GRID1: variants seen among roughly 807,000 people sequenced by gnomAD.
The protein encoded by GRID1 is glutamate ionotropic receptor delta type subunit 1, also known as glutamate receptor ionotropic, delta-1.
Under a neutral mutation model 98.0 loss-of-function variants are expected in GRID1, and 28 were observed. That is an observed-to-expected ratio of 0.29 (90% confidence interval 0.21 to 0.39). The LOEUF is 0.39. GRID1 is among the 10% of genes least tolerant of loss of function. The pLI is 1.00. For missense variants in GRID1, 1,111 were observed against 1,340.5 expected, an observed-to-expected ratio of 0.83 and a Z score of 2.67; for synonymous variants, 553 against 538.5, an observed-to-expected ratio of 1.03 and a Z score of -0.37.
intron 2 of GRID1, among the ~76,000 whole-genome samples, chr10:86,297,009 T>C (rs748599870): frequency 1.3e-5 from 2 of 152,188 alleles, no homozygotes; most frequent in Non-Finnish European, 2.9e-5. Context: ...TAAAGATGGC[T>C]TGAATAAATA....
chr10:86,177,437 A>G (rs1845591638), intron 3 of GRID1, among the ~76,000 whole-genome samples: 1 of 150,232 alleles, frequency 6.7e-6, no homozygotes, highest in Non-Finnish European at 1.5e-5. Context: ...GAGACTGTGT[A>G]TGGGGGGGTG....
At chr10:86,101,493 A>G (rs1295028332) in intron 4 of GRID1, among the ~76,000 whole-genome samples, 2 of 152,148 alleles carry the variant, frequency 1.3e-5, no homozygotes, top group Admixed American at 1.3e-4. Context: ...AGTTTTGCCA[A>G]TCAGGAACAT....
At chr10:86,280,701 C>A (rs371887131) in intron 2 of GRID1, among the ~76,000 whole-genome samples, 48 of 152,214 alleles carry the variant, frequency 3.2e-4, no homozygotes, top group African/African-American at 1.1e-3. Context: ...CCCCTACCTA[C>A]TTTTCCAATG....
chr10:85,868,955 G>A (rs1177305039), intron 6 of GRID1, 55 bp downstream of exon 6: 11 of 1,493,752 alleles, frequency 7.4e-6, no homozygotes, highest in Non-Finnish European at 1.0e-5. Context: ...CTTGGCCAAG[G>A]GTGTGGGTGA....
At chr10:86,087,389 A>G (rs1844076711) in intron 4 of GRID1, among the ~76,000 whole-genome samples, 1 of 144,808 alleles carries the variant, frequency 6.9e-6, no homozygotes, top group Non-Finnish European at 1.5e-5. Flanking sequence ...TGCATAATGG[A>G]GTCTGTGTGT....
intron 8 of GRID1, among the ~76,000 whole-genome samples, chr10:85,799,508 T>C (rs1842556365): frequency 1.3e-5 from 2 of 152,148 alleles, no homozygotes; most frequent in Non-Finnish European, 1.5e-5. Flanking sequence ...AAATGTGTTA[T>C]ACATACAACA....
intron 2 of GRID1, among the ~76,000 whole-genome samples, chr10:86,282,966 C>T (rs1847377148): frequency 6.6e-6 from 1 of 152,164 alleles, no homozygotes; most frequent in South Asian, 2.1e-4. Flanking sequence ...CATAAGGACC[C>T]TTCACAGTCA....
chr10:86,148,675 C>A lies in GRID1; in HGVS notation c.521-9651G>T, dbSNP rs142045237. ...GCATATGTTGATTACCTTGAGTTAG[C>A]CATTCCACAATGTATGCATACATCA... is the stretch of plus-strand genomic sequence containing the variant. On this transcript the variant is annotated intron_variant, in intron 3 of 15. Coordinates refer to ENST00000327946, the MANE Select transcript of GRID1 (RefSeq NM_017551.3). Among the ~76,000 whole-genome samples, 382 of 152,192 alleles carry A rather than the reference C, an allele frequency of 2.5e-3. 3 individuals carry two copies. Among genetic ancestry groups the A allele is most frequent in the African/African-American group, 8.7e-3 (362 of 41,496 alleles).
intron 4 of GRID1, among the ~76,000 whole-genome samples, chr10:86,088,355 A>G (rs1844094976): frequency 6.6e-6 from 1 of 152,214 alleles, no homozygotes; most frequent in South Asian, 2.1e-4. Context: ...GAACTAAATA[A>G]ATATCCCCCA....
chr10:85,987,021 T>C (rs1448075971), intron 4 of GRID1, among the ~76,000 whole-genome samples: 1 of 151,988 alleles, frequency 6.6e-6, no homozygotes, highest in East Asian at 1.9e-4. Flanking sequence ...AGGACTTTCC[T>C]GCCCCACCCT....
intron 8 of GRID1, among the ~76,000 whole-genome samples, chr10:85,742,525 A>G (rs1181966942): frequency 6.6e-6 from 1 of 152,148 alleles, no homozygotes; most frequent in African/African-American, 2.4e-5. Flanking sequence ...TTGTCACTTT[A>G]AAAAAATTGT....
intron 2 of GRID1, among the ~76,000 whole-genome samples, chr10:86,243,898 G>A (rs773962840): frequency 9.2e-5 from 14 of 152,132 alleles, no homozygotes; most frequent in Non-Finnish European, 1.9e-4. Context: ...CCCAGTCCTC[G>A]CCACCATCTC....
chr10:86,072,293 TA>T (rs1230438151), intron 4 of GRID1, among the ~76,000 whole-genome samples: 1 of 152,098 alleles, frequency 6.6e-6, no homozygotes, highest in Non-Finnish European at 1.5e-5. Context: ...AATGGTAAAC[TA>T]AGATTTATCA....
intron 12 of GRID1, among the ~76,000 whole-genome samples, chr10:85,682,866 C>A (rs1353824831): frequency 6.6e-6 from 1 of 152,214 alleles, no homozygotes; most frequent in Non-Finnish European, 1.5e-5. Context: ...TGAGAATCCT[C>A]TTTAGATGTG....
chr10:85,748,244 C>G (rs1247222911), intron 8 of GRID1, among the ~76,000 whole-genome samples: 5 of 152,158 alleles, frequency 3.3e-5, no homozygotes, highest in Non-Finnish European at 4.4e-5. Flanking sequence ...CACATAATTC[C>G]ACACTGATTG....
At position 85,619,856 on chromosome 10, in the gene GRID1, C is replaced by T; in HGVS notation, c.2360+11G>A. The T allele has an allele frequency of 1.2e-6, 2 of 1,612,094 alleles. No homozygotes were observed. Among genetic ancestry groups the T allele is most frequent in the Non-Finnish European group, 1.7e-6 (2 of 1,178,304 alleles). On this transcript the variant is annotated intron_variant, in intron 14 of 15. Coordinates refer to ENST00000327946, the MANE Select transcript of GRID1 (RefSeq NM_017551.3). Reference sequence around the variant, plus strand: ...TGAGGCAGCGGTAGTTACCTTGCTGCCCAAGCCTACCTCTGGGAGAAGAGG... The same window carrying T: ...TGAGGCAGCGGTAGTTACCTTGCTGTCCAAGCCTACCTCTGGGAGAAGAGG...
chr10:85,878,005 G>C (rs957146583), intron 5 of GRID1, among the ~76,000 whole-genome samples: 3 of 152,214 alleles, frequency 2.0e-5, no homozygotes, highest in African/African-American at 7.2e-5. Context: ...CAATCGACTG[G>C]AAGAAAGGGT....
intron 4 of GRID1, among the ~76,000 whole-genome samples, chr10:86,023,804 A>C (rs917323862): frequency 1.3e-5 from 2 of 152,010 alleles, no homozygotes; most frequent in Admixed American, 6.6e-5. Flanking sequence ...TCTAAGTTCA[A>C]TTGCATCTAT....
chr10:86,365,960 C>A lies in GRID1; in HGVS notation c.79+354G>T, dbSNP rs527897479. 7.2e-4 allele frequency among the ~76,000 whole-genome samples: 109 copies of A among 152,328 alleles called. No homozygotes were observed. The highest frequency in any genetic ancestry group is 3.2e-4 in the Non-Finnish European group (22 of 68,004). On this transcript the variant is annotated intron_variant, in intron 1 of 15. Transcript: ENST00000327946. This position sits in a 1 kb window ranked among gnomAD's most constrained non-coding sequence, Gnocchi z 4.8. ...AGCCCCCCGCTGTACCTCCCCCTGC[C>A]CCCCGCTGCTCTGAGCTGCGCAGAA...
Sources: allele counts gnomAD v4.1 joint callset (sites outside exome capture counted in the v4.1 genomes callset), GRCh38; gene constraint gnomAD v4.1.1; non-coding constraint Gnocchi (gnomAD v3.1); transcripts MANE v1.5; gene names NCBI Gene and HGNC (gene_info 2026-07-23, HGNC 2026-07-21).